HERC3: variants seen among roughly 807,000 people sequenced by gnomAD.
HERC3 encodes HECT and RLD domain containing E3 ubiquitin protein ligase 3.
Under a neutral mutation model 129.9 loss-of-function variants are expected in HERC3, and 58 were observed. That is an observed-to-expected ratio of 0.45 (90% CI 0.36 to 0.56). The LOEUF is 0.56. Ranked by LOEUF, HERC3 falls within the 20% of genes least tolerant of loss-of-function variation. The pLI, the probability that HERC3 is intolerant of heterozygous loss-of-function variation, is 0.00. For missense variants in HERC3, 835 were observed against 1,244.2 expected, an observed-to-expected ratio of 0.67 and a Z score of 4.95; for synonymous variants, 430 against 451.0, an observed-to-expected ratio of 0.95 and a Z score of 0.59.
intron 23 of HERC3, among the ~76,000 whole-genome samples, chr4:88,701,100 G>T (rs1735278113): frequency 6.6e-6 from 1 of 152,190 alleles, no homozygotes. Context: ...AAATTGTTGT[G>T]ATGGTGTTTC....
chr4:88,706,535 A>G (rs1036721604), intron 25 of HERC3, among the ~76,000 whole-genome samples: 11 of 151,730 alleles, frequency 7.2e-5, no homozygotes, highest in African/African-American at 2.7e-4. Flanking sequence ...ATTTTGTGAA[A>G]TCTAACATTT....
At position 88,594,744 on chromosome 4, in the gene HERC3, C is replaced by T. The variant is rs79246893; in HGVS notation, c.-87-813C>T. ...TTCTTTTGAGATACTTTAGGTATCT[C>T]TCTGAGATGATCTCTTCTCATTTTG... On this transcript the variant is annotated intron_variant, in intron 1 of 25. Transcript: ENST00000402738. Among the ~76,000 whole-genome samples the T allele has an allele frequency of 8.7e-3, 1,318 of 152,188 alleles. 16 individuals carry two copies. Among genetic ancestry groups the T allele is most frequent in the African/African-American group, 0.03 (1,240 of 41,498 alleles).
chr4:88,657,974 C>T (rs1288565474), intron 9 of HERC3, among the ~76,000 whole-genome samples: 1 of 151,996 alleles, frequency 6.6e-6, no homozygotes, highest in Non-Finnish European at 1.5e-5. Context: ...AGGAGAATGT[C>T]ACCGTGGACA....
intron 2 of HERC3, among the ~76,000 whole-genome samples, chr4:88,603,381 T>C (rs1196175541): frequency 6.6e-6 from 1 of 152,036 alleles, no homozygotes; most frequent in Non-Finnish European, 1.5e-5. Context: ...CTAATTTTTG[T>C]ATTTTTAGTA....
intron 16 of HERC3, among the ~76,000 whole-genome samples, chr4:88,673,604 C>G (rs1035451816): frequency 6.6e-6 from 1 of 152,104 alleles, no homozygotes; most frequent in Non-Finnish European, 1.5e-5. Context: ...AGGAGATAAT[C>G]ATGTATCTTA....
At chr4:88,617,810 G>A (rs1351681079) in intron 3 of HERC3, among the ~76,000 whole-genome samples, 1 of 152,122 alleles carries the variant, frequency 6.6e-6, no homozygotes, top group Non-Finnish European at 1.5e-5. Context: ...GGCAGAGCTT[G>A]CAGTGAGCCA....
chr4:88,639,371 AT>A (rs1184367805), intron 3 of HERC3, among the ~76,000 whole-genome samples: 9 of 152,224 alleles, frequency 5.9e-5, no homozygotes, highest in Non-Finnish European at 1.0e-4. Flanking sequence ...CCAAAACAGC[AT>A]GGTACTAGTA....
chr4:88,630,637 G>A (rs942389135), intron 3 of HERC3, among the ~76,000 whole-genome samples: 3 of 152,268 alleles, frequency 2.0e-5, no homozygotes, highest in African/African-American at 7.2e-5. Context: ...GGGACTATTA[G>A]TATTTTCACC....
chr4:88,685,620 G>A (rs938296053), intron 21 of HERC3, among the ~76,000 whole-genome samples: 1 of 152,068 alleles, frequency 6.6e-6, no homozygotes, highest in Non-Finnish European at 1.5e-5. Flanking sequence ...GGAACGGGAG[G>A]GAGAGCATTA....
At chr4:88,631,022 A>G (rs1242076230) in intron 3 of HERC3, among the ~76,000 whole-genome samples, 1 of 152,216 alleles carries the variant, frequency 6.6e-6, no homozygotes, top group Admixed American at 6.5e-5. Context: ...AGCTTATTGC[A>G]TCTGAAAGCA....
intron 14 of HERC3, 56 bp from the exon 15 acceptor site, chr4:88,669,804 C>A: frequency 6.9e-7 from 1 of 1,459,452 alleles, no homozygotes; most frequent in Non-Finnish European, 9.5e-7. Context: ...AGGCAGAAGA[C>A]ATAAATACTT....
chr4:88,690,199 T>C (rs1733930945), intron 23 of HERC3: 1 of 981,470 alleles, frequency 1.0e-6, no homozygotes, highest in Non-Finnish European at 1.2e-6. Flanking sequence ...ATAACATTGG[T>C]ACTTTTGTTA....
At chr4:88,650,113 C>G in intron 4 of HERC3, 114 bp downstream of exon 4, 1 of 1,016,532 alleles carries the variant, frequency 9.8e-7, no homozygotes, top group African/African-American at 1.6e-5. Context: ...CTTTGCACCA[C>G]TCCTGTGCCT....
chr4:88,555,424 AT>A, the HERC3 span, among the ~76,000 whole-genome samples: 2 of 152,156 alleles, frequency 1.3e-5, no homozygotes, highest in African/African-American at 2.4e-5. Flanking sequence ...TTTGCAAGTT[AT>A]TTTGGGGTAG....
chr4:88,652,130 G>A (rs975099689), intron 5 of HERC3, 42 bp downstream of exon 5: 1 of 1,377,256 alleles, frequency 7.3e-7, no homozygotes, highest in African/African-American at 1.4e-5. Context: ...TGTTAATTTT[G>A]AAAACATTTC....
At position 88,628,760 on chromosome 4, in the gene HERC3, G is replaced by A. The variant is rs541964067; in HGVS notation, c.227-21080G>A. 5.9e-5 allele frequency among the ~76,000 whole-genome samples: 9 copies of A among 152,216 alleles called. No homozygotes were observed. In the South Asian group the frequency reaches 1.9e-3, roughly 32 times the overall value. ...GTAAAATAACATACAGTTTAAAATA[G>A]TATAAAACAATCTGCAGGCTTGGGA... On this transcript the variant is annotated intron_variant, in intron 3 of 25. Transcript: ENST00000402738.
Position 88,653,109 on chromosome 4 carries a change from T to C in HERC3, c.685+19T>C, listed in dbSNP as rs1289109236. 1 of 1,609,680 alleles carries C rather than the reference T, an allele frequency of 6.2e-7. No individual in the cohort carries two copies. The highest frequency in any genetic ancestry group is 2.2e-5 in the East Asian group (1 of 44,848). On this transcript the variant is annotated intron_variant, in intron 6 of 25. Transcript: ENST00000402738. ...GAAAAAGGTAGGTAAACCCTTCATA[T>C]GTATGTATTTAGTTTAAAAGCACAT... is the stretch of plus-strand genomic sequence containing the variant.
chr4:88,643,061 T>G (rs934345350), intron 3 of HERC3, among the ~76,000 whole-genome samples: 1 of 152,168 alleles, frequency 6.6e-6, no homozygotes, highest in Admixed American at 6.5e-5. Flanking sequence ...TGATTTAAGG[T>G]CAATACACAA....
chr4:88,639,047 C>T (rs1727773129), intron 3 of HERC3, among the ~76,000 whole-genome samples: 1 of 152,064 alleles, frequency 6.6e-6, no homozygotes, highest in Non-Finnish European at 1.5e-5. Flanking sequence ...ACATAAAGGA[C>T]CTCTTCAAGG....
Sources: allele counts gnomAD v4.1 joint callset (sites outside exome capture counted in the v4.1 genomes callset), GRCh38; gene constraint gnomAD v4.1.1; transcripts MANE v1.5; gene names NCBI Gene and HGNC (gene_info 2026-07-23, HGNC 2026-07-21).